Variants in STX7 observed in about 807,000 individuals in gnomAD.
The protein encoded by STX7 is syntaxin-7.
STX7 carries 34 observed loss-of-function variants against 39.6 expected under a neutral mutation model. The observed-to-expected ratio is 0.86, with a 90% CI of 0.65 to 1.14. The LOEUF (loss-of-function observed/expected upper bound fraction) is 1.14. Ranked by LOEUF, STX7 falls within the 50% of genes most tolerant of loss-of-function variation. The pLI is 0.00. For missense variants in STX7, 284 were observed against 310.4 expected (o/e 0.92, Z 0.64); for synonymous variants, 119 against 99.1 (o/e 1.20, Z -1.19).
At chr6:132,490,113 T>C (rs1372719638) in intron 2 of STX7, among the ~76,000 whole-genome samples, 2 of 152,206 alleles carry the variant, frequency 1.3e-5, no homozygotes, top group Admixed American at 1.3e-4. Flanking sequence ...TCCATAACAA[T>C]GTGATTTGTG....
chr6:132,471,060 T>C (rs1339590883), intron 5 of STX7, among the ~76,000 whole-genome samples: 1 of 152,236 alleles, frequency 6.6e-6, no homozygotes, highest in East Asian at 1.9e-4. Context: ...ATTTTCAATA[T>C]TGATACAACA....
At position 132,470,479 on chromosome 6, in the gene STX7, T is replaced by C; in HGVS notation, c.440+95A>G. On this transcript the variant is annotated intron_variant, in intron 6 of 9. Transcript: ENST00000367941. The stretch of plus-strand genomic sequence containing the variant: ...TAAACAACTTAGGATATTTATGATA[T>C]AATATATTGAAAGCTTTAATTCTGT... 3.5e-6 allele frequency: 3 copies of C among 859,804 alleles called. No homozygotes were observed. In the South Asian group the frequency reaches 6.2e-5, roughly 18 times the overall value. The allele number at this position is 859,804 out of a possible 1,614,324, so 53.3% of individuals were successfully genotyped here.
chr6:132,455,503 CCCT>C lies in STX7; in HGVS notation c.*5252_*5254del, dbSNP rs1382127670. ...AGATTCAATTCAGTTCTAGAAAACT[CCCT>C]CGTCAACAAGTAGAGGTGTTGTGCG... On this transcript the variant is annotated 3_prime_UTR_variant, in exon 10 of 10. Transcript: ENST00000367941. 6.6e-6 allele frequency: 1 copy of C among 152,144 alleles called. No individual in the cohort carries two copies. The highest frequency in any genetic ancestry group is 1.9e-4 in the East Asian group (1 of 5,198). 9.4% of individuals were successfully genotyped at this position (152,144 alleles called of 1,614,324 possible).
chr6:132,497,096 T>C (rs996330151), intron 2 of STX7, among the ~76,000 whole-genome samples: 3 of 152,252 alleles, frequency 2.0e-5, no homozygotes, highest in African/African-American at 4.8e-5. Flanking sequence ...TTCCTTCACA[T>C]ACATGCACCA....
intron 3 of STX7, among the ~76,000 whole-genome samples, chr6:132,472,933 G>A (rs1416521606): frequency 1.3e-5 from 2 of 152,132 alleles, no homozygotes; most frequent in East Asian, 1.9e-4. Context: ...CGAGGCAGGC[G>A]GATCACTTGA....
chr6:132,473,460 A>G (rs1264865018), intron 3 of STX7, among the ~76,000 whole-genome samples: 3 of 151,592 alleles, frequency 2.0e-5, no homozygotes, highest in Admixed American at 6.6e-5. Context: ...ACAATAATGT[A>G]AATGCTATGT....
rs1207906745 is a variant in STX7 at position 132,455,351 on chromosome 6, C to T, written c.*5407G>A. Reference sequence around the variant, plus strand: ...GAGGCTAAATAACTGCATTTATAAGCTTTCTACCAATGCTATTAGGTGTTG... The same window carrying T: ...GAGGCTAAATAACTGCATTTATAAGTTTTCTACCAATGCTATTAGGTGTTG... On this transcript the variant is annotated 3_prime_UTR_variant, in exon 10 of 10. Transcript: ENST00000367941. The T allele has an allele frequency of 6.6e-6, 1 of 152,152 alleles. No homozygotes were observed. The highest frequency in any genetic ancestry group is 2.4e-5 in the African/African-American group (1 of 41,432). 9.4% of individuals were successfully genotyped at this position (152,152 alleles called of 1,614,324 possible). A position where few individuals can be genotyped will look rare whatever the true frequency, so the allele number is the denominator to read the frequency against.
At position 132,459,775 on chromosome 6, in the gene STX7, T is replaced by A. The variant is rs570468846; in HGVS notation, c.*983A>T. On this transcript the variant is annotated 3_prime_UTR_variant, in exon 10 of 10. Transcript: ENST00000367941. ...CTCCAATTGCTTTTTTAATGAAGGATGACACAAAATGGCACGCAAGGTAAA... is the reference window on the plus strand; with the variant it reads ...CTCCAATTGCTTTTTTAATGAAGGAAGACACAAAATGGCACGCAAGGTAAA... 139 of 152,314 alleles carry A rather than the reference T, an allele frequency of 9.1e-4. 2 individuals are homozygous for A. Among genetic ancestry groups the A allele is most frequent in the African/African-American group, 3.2e-3 (135 of 41,576 alleles). The allele number at this position is 152,314 out of a possible 1,614,324, so 9.4% of individuals were successfully genotyped here.
chr6:132,501,711 C>A (rs1283775079), intron 2 of STX7, among the ~76,000 whole-genome samples: 8 of 152,140 alleles, frequency 5.3e-5, no homozygotes, highest in Admixed American at 5.2e-4. Context: ...ACACAGGATG[C>A]TTATCCTCTT....
At chr6:132,472,404 A>G (rs1562325144) in intron 3 of STX7, 29 bp from the exon 4 acceptor site, 1 of 1,546,966 alleles carries the variant, frequency 6.5e-7, no homozygotes, top group African/African-American at 1.4e-5. Flanking sequence ...CATTACAGCC[A>G]AAGGACTAAT....
Position 132,451,626 on chromosome 6 carries a change from A to G in STX7, c.*9132T>C, listed in dbSNP as rs1774138477. 2 of 152,218 alleles carry G rather than the reference A, an allele frequency of 1.3e-5. No individual in the cohort carries two copies. Among genetic ancestry groups the G allele is most frequent in the Non-Finnish European group, 2.9e-5 (2 of 68,038 alleles). The allele number at this position is 152,218 out of a possible 1,614,324, so 9.4% of individuals were successfully genotyped here. On this transcript the variant is annotated 3_prime_UTR_variant, in exon 10 of 10. Transcript: ENST00000367941. Reference sequence around the variant, plus strand: ...AAGGAGTTTTGGAATATCAGACATCAAAAGTCTAACAAAAAATACAACCAA... The same window carrying G: ...AAGGAGTTTTGGAATATCAGACATCGAAAGTCTAACAAAAAATACAACCAA...
intron 2 of STX7, among the ~76,000 whole-genome samples, chr6:132,477,691 T>C (rs1774907314): frequency 6.6e-6 from 1 of 152,066 alleles, no homozygotes; most frequent in Non-Finnish European, 1.5e-5. Context: ...TATTGACAAA[T>C]TTGACTACAT....
chr6:132,481,398 A>T (rs1228255027), intron 2 of STX7, among the ~76,000 whole-genome samples: 1 of 152,182 alleles, frequency 6.6e-6, no homozygotes. Context: ...GCTTACCTTC[A>T]TTATCATACA....
Position 132,460,857 on chromosome 6 carries a change from A to G in STX7, c.694-7T>C. The G allele has an allele frequency of 6.2e-7, 1 of 1,611,016 alleles. No homozygotes were observed. The highest frequency in any genetic ancestry group is 2.2e-5 in the East Asian group (1 of 44,794). ...GGGTTTTTCTGGATTTGCGCTGCAG[A>G]CGCAAAAAACAAAACAAAACAAAAA... On this transcript the variant is annotated splice_region_variant and splice_polypyrimidine_tract_variant and intron_variant, in intron 9 of 9. Coordinates refer to ENST00000367941, the MANE Select transcript of STX7 (RefSeq NM_003569.3).
In STX7 at chr6:132,458,599, T is replaced by C. The variant is rs1194578886; in HGVS notation, c.*2159A>G. 6.6e-6 allele frequency: 1 copy of C among 152,146 alleles called. No individual in the cohort carries two copies. The highest frequency in any genetic ancestry group is 1.5e-5 in the Non-Finnish European group (1 of 68,030). 9.4% of individuals were successfully genotyped at this position (152,146 alleles called of 1,614,324 possible). The stretch of plus-strand genomic sequence containing the variant: ...GTTATGAAAACAACTCTAATTTTAA[T>C]CTCCACAGGGCAACCTTCACTTTTC... On this transcript the variant is annotated 3_prime_UTR_variant, in exon 10 of 10. Transcript: ENST00000367941.
intron 2 of STX7, among the ~76,000 whole-genome samples, chr6:132,502,024 G>A (rs1011711616): frequency 1.3e-5 from 2 of 152,208 alleles, no homozygotes; most frequent in Non-Finnish European, 2.9e-5. Flanking sequence ...CCCTGCTGTG[G>A]ACAACGTGGT....
At chr6:132,493,223 GAAT>G (rs1162128867) in intron 2 of STX7, among the ~76,000 whole-genome samples, 3 of 152,174 alleles carry the variant, frequency 2.0e-5, no homozygotes, top group Non-Finnish European at 2.9e-5. Flanking sequence ...AAGACTTGCA[GAAT>G]AATATCTTGT....
intron 2 of STX7, among the ~76,000 whole-genome samples, chr6:132,493,191 A>G (rs931093551): frequency 3.9e-5 from 6 of 152,268 alleles, no homozygotes; most frequent in Non-Finnish European, 5.9e-5. Context: ...ATGAGAAAGA[A>G]GAGTAGGAAA....
In STX7 at chr6:132,471,555, T is replaced by C. The variant is rs1459624839; in HGVS notation, c.295A>G (p.Thr99Ala). Residue 99 changes from threonine (T) to alanine (A), a missense_variant, in exon 5 of 10, where the codon ACA becomes GCA. Thr to Ala is a moderately conservative substitution (Grantham distance 58). Coordinates refer to ENST00000367941, the MANE Select transcript of STX7 (RefSeq NM_003569.3). ...ACCTTCTGGAAGTTTGTCAGTGATGTTGTGAACTCTGCCACTAAGCGATCC... is the reference window on the plus strand; with the variant it reads ...ACCTTCTGGAAGTTTGTCAGTGATGCTGTGAACTCTGCCACTAAGCGATCC... ...QKDRLVAEFT[T>A]SLTNFQKVQR... is the part of the protein sequence containing the mutation. 12 of 1,613,898 alleles carry C rather than the reference T, an allele frequency of 7.4e-6. No individual in the cohort carries two copies. The highest frequency in any genetic ancestry group is 2.2e-5 in the South Asian group (2 of 91,046).
Sources: gnomAD v4.1 joint callset for allele counts (sites outside exome capture counted in the v4.1 genomes callset) on GRCh38, gnomAD v4.1.1 for gene constraint, MANE v1.5 for transcripts, NCBI Gene and HGNC (gene_info 2026-07-23, HGNC 2026-07-21) for gene names.